Variants in LINGO2 observed in about 807,000 individuals in gnomAD.
The protein encoded by LINGO2 is leucine rich repeat and Ig domain containing 2, also known as leucine-rich repeat and immunoglobulin-like domain-containing nogo receptor-interacting protein 2.
LINGO2 carries 14 observed loss-of-function variants against 30.6 expected under a neutral mutation model. The observed-to-expected ratio is 0.46, with a 90% CI of 0.30 to 0.72. The LOEUF is 0.72. Among genes scored for constraint, LINGO2 ranks in the 30% least tolerant of loss-of-function variants. LINGO2 has a pLI of 0.07. For synonymous variants in LINGO2, 317 were observed against 288.5 expected (o/e 1.10, Z -1.00); for missense variants, 729 against 751.7 (o/e 0.97, Z 0.35).
chr9:28,385,279 GCTCCTT>G (rs1821533603), intron 2 of LINGO2, among the ~76,000 whole-genome samples: 1 of 152,082 alleles, frequency 6.6e-6, no homozygotes, highest in Non-Finnish European at 1.5e-5. Context: ...TTCCAGCTCT[GCTCCTT>G]CTGTAATATA....
chr9:28,765,414 T>C, the LINGO2 span, among the ~76,000 whole-genome samples: 1 of 151,998 alleles, frequency 6.6e-6, no homozygotes, highest in Admixed American at 6.6e-5. Context: ...CACACCAAAA[T>C]TCATGTTGGT....
In LINGO2 at chr9:28,255,681, T is replaced by C. The variant is rs145083828; in HGVS notation, c.-87+39527A>G. Reference sequence around the variant, plus strand: ...GCTTCAGTGGAATAAACATTCATCTTTGACTTAGCTTCACATGAAATTCTA... The same window carrying C: ...GCTTCAGTGGAATAAACATTCATCTCTGACTTAGCTTCACATGAAATTCTA... On this transcript the variant is annotated intron_variant, in intron 4 of 5. Coordinates refer to ENST00000379992, the Ensembl canonical transcript of LINGO2. 5.3e-5 allele frequency among the ~76,000 whole-genome samples: 8 copies of C among 152,262 alleles called. No individual in the cohort carries two copies. The East Asian group carries it at 1.4e-3, about 26-fold the overall frequency.
At chr9:28,830,736 A>G in the LINGO2 span, among the ~76,000 whole-genome samples, 5 of 150,742 alleles carry the variant, frequency 3.3e-5, no homozygotes, top group Non-Finnish European at 5.9e-5. Flanking sequence ...ACTGATATAC[A>G]GAAACCTTCT....
chr9:28,063,475 G>T (rs1825219040), intron 4 of LINGO2, among the ~76,000 whole-genome samples: 1 of 151,492 alleles, frequency 6.6e-6, no homozygotes, highest in Non-Finnish European at 1.5e-5. Flanking sequence ...TGTTGCCCAA[G>T]CTGGCCTCAA....
chr9:29,185,629 G>T, the LINGO2 span, among the ~76,000 whole-genome samples: 1 of 152,116 alleles, frequency 6.6e-6, no homozygotes, highest in African/African-American at 2.4e-5. Flanking sequence ...TTAGACAATG[G>T]AAGTGGGATT....
chr9:29,025,295 A>C, the LINGO2 span, among the ~76,000 whole-genome samples: 1 of 152,200 alleles, frequency 6.6e-6, no homozygotes, highest in African/African-American at 2.4e-5. Flanking sequence ...TTTTCTTTGC[A>C]AATAGTAAAA....
chr9:28,085,651 T>C (rs779924601), intron 4 of LINGO2, among the ~76,000 whole-genome samples: 6 of 152,018 alleles, frequency 3.9e-5, no homozygotes, highest in Non-Finnish European at 8.8e-5. Flanking sequence ...CCCTATAATA[T>C]AGAAATATTC....
At chr9:28,994,891 C>T in the LINGO2 span, among the ~76,000 whole-genome samples, 15 of 152,132 alleles carry the variant, frequency 9.9e-5, no homozygotes, top group Admixed American at 2.6e-4. Flanking sequence ...AAGACTTAAA[C>T]GTTAGACCTA....
chr9:29,163,523 T>C, the LINGO2 span, among the ~76,000 whole-genome samples: 2,260 of 152,288 alleles, frequency 0.015, 54 homozygotes, highest in African/African-American at 0.049. Flanking sequence ...ATTTCTACTA[T>C]ATCCTAGGAA....
intron 4 of LINGO2, among the ~76,000 whole-genome samples, chr9:28,042,404 A>G (rs1227390526): frequency 1.3e-5 from 2 of 152,210 alleles, no homozygotes; most frequent in Non-Finnish European, 2.9e-5. Flanking sequence ...GAAAAAGATG[A>G]AAAAGTCACT....
the LINGO2 span, among the ~76,000 whole-genome samples, chr9:29,061,531 G>A: frequency 6.6e-6 from 1 of 151,850 alleles, no homozygotes; most frequent in South Asian, 2.1e-4. Flanking sequence ...ATAATCTTCT[G>A]CATAAAAGAT....
the LINGO2 span, among the ~76,000 whole-genome samples, chr9:29,117,274 G>C: frequency 1.3e-5 from 2 of 152,074 alleles, no homozygotes; most frequent in Non-Finnish European, 2.9e-5. Flanking sequence ...CAGTTCAGTT[G>C]TTTACTGGTA....
At chr9:28,372,374 T>C (rs1380274553) in intron 3 of LINGO2, among the ~76,000 whole-genome samples, 1 of 152,186 alleles carries the variant, frequency 6.6e-6, no homozygotes, top group Non-Finnish European at 1.5e-5. Flanking sequence ...ACAACATGGA[T>C]AGAACAAGGG....
At chr9:28,890,914 A>G in the LINGO2 span, among the ~76,000 whole-genome samples, 1 of 152,096 alleles carries the variant, frequency 6.6e-6, no homozygotes, top group African/African-American at 2.4e-5. Flanking sequence ...TATGAAATGT[A>G]TTTGTAAATA....
At chr9:29,032,414 A>G in the LINGO2 span, among the ~76,000 whole-genome samples, 1 of 152,192 alleles carries the variant, frequency 6.6e-6, no homozygotes, top group Non-Finnish European at 1.5e-5. Flanking sequence ...GGAAATTCAG[A>G]TAACTACTTT....
At chr9:28,747,438 G>T in the LINGO2 span, among the ~76,000 whole-genome samples, 1,386 of 152,128 alleles carry the variant, frequency 9.1e-3, 34 homozygotes, top group African/African-American at 0.031. Flanking sequence ...GTTGGACAAA[G>T]ACCTGGGTAC....
At chr9:29,070,240 G>A in the LINGO2 span, among the ~76,000 whole-genome samples, 1 of 152,102 alleles carries the variant, frequency 6.6e-6, no homozygotes, top group Non-Finnish European at 1.5e-5. Context: ...TGGCAAGAGA[G>A]AAAACATAGC....
chr9:29,039,535 GC>G, the LINGO2 span, among the ~76,000 whole-genome samples: 2 of 152,150 alleles, frequency 1.3e-5, no homozygotes, highest in South Asian at 4.1e-4. Context: ...TTCTTGAGAA[GC>G]CTCTTCTCGC....
the LINGO2 span, among the ~76,000 whole-genome samples, chr9:28,720,554 A>C: frequency 6.6e-6 from 1 of 152,112 alleles, no homozygotes; most frequent in African/African-American, 2.4e-5. Flanking sequence ...AATTTCTGTC[A>C]CTGATGAGGA....
Sources: gnomAD v4.1 joint callset for allele counts (sites outside exome capture counted in the v4.1 genomes callset) on GRCh38, gnomAD v4.1.1 for gene constraint, MANE v1.5 for transcripts, NCBI Gene and HGNC (gene_info 2026-07-23, HGNC 2026-07-21) for gene names.